The following OXR1 variants were observed in gnomAD, a reference collection of about 807,000 sequenced individuals.
OXR1 encodes the protein oxidation resistance protein 1.
OXR1 carries 41 observed loss-of-function variants against 104.6 expected under a neutral mutation model. The observed-to-expected ratio is 0.39, with a 90% CI of 0.31 to 0.51. The LOEUF is 0.51. OXR1 is among the 20% of genes least tolerant of loss of function. The pLI, the probability that OXR1 is intolerant of heterozygous loss-of-function variation, is 0.77. For synonymous variants in OXR1, 348 were observed against 348.4 expected (o/e 1.00, Z 0.01); for missense variants, 955 against 1,031.9 (o/e 0.93, Z 1.02).
At position 106,402,815 on chromosome 8, in the gene OXR1, C is replaced by CTTTCT. The variant is rs374235527; in HGVS notation, c.23+43188_23+43192dup. On this transcript the variant is annotated intron_variant, in intron 2 of 16. Transcript: ENST00000517566. ...TTGAAAGGGTCCTATTTCTTTCTTT[C>CTTTCT]TTTCTTTTCTTTTTTTTCTTTTTGA... Among the ~76,000 whole-genome samples, 1,092 of 152,098 alleles carry CTTTCT rather than the reference C, an allele frequency of 7.2e-3. 16 individuals are homozygous for CTTTCT. The highest frequency in any genetic ancestry group is 0.024 in the African/African-American group (988 of 41,502).
Position 106,672,150 on chromosome 8 carries a change from A to G in OXR1, c.221-7060A>G, listed in dbSNP as rs577049919. 2.6e-5 allele frequency among the ~76,000 whole-genome samples: 4 copies of G among 151,928 alleles called. No homozygotes were observed. The South Asian group carries it at 8.3e-4, about 32-fold the overall frequency. ...GAATCCAAGGAAGGCAACAAAGGAG[A>G]GAAGTCTAAAAGAACAGGTAGACAG... On this transcript the variant is annotated intron_variant, in intron 3 of 16. Transcript: ENST00000517566.
At chr8:106,733,663 C>A (rs1030317183) in intron 11 of OXR1, among the ~76,000 whole-genome samples, 1 of 151,314 alleles carries the variant, frequency 6.6e-6, no homozygotes. Context: ...AAAAATTAGC[C>A]GTGCGTGGTG....
At chr8:106,714,077 C>A in intron 11 of OXR1, 92 bp downstream of exon 11, 1 of 972,418 alleles carries the variant, frequency 1.0e-6, no homozygotes, top group Non-Finnish European at 1.5e-6. Flanking sequence ...GATGTTTCCA[C>A]AAAAGAGGAA....
At chr8:106,509,803 G>A (rs534527257) in intron 2 of OXR1, among the ~76,000 whole-genome samples, 9 of 152,074 alleles carry the variant, frequency 5.9e-5, no homozygotes, top group South Asian at 2.1e-4. Flanking sequence ...TCAGAGTCTC[G>A]CTCTGTCGCC....
At position 106,359,485 on chromosome 8, in the gene OXR1, A is replaced by G. The variant is rs747239353; in HGVS notation, c.-129A>G. Reference sequence around the variant, plus strand: ...TTTCTTTTCTTTATAGGTCCTCTCAAACTGTGAGTAACTAAGTGGTTTGTG... The same window carrying G: ...TTTCTTTTCTTTATAGGTCCTCTCAGACTGTGAGTAACTAAGTGGTTTGTG... On this transcript the variant is annotated 5_prime_UTR_variant, in exon 2 of 17. Transcript: ENST00000517566. 2 of 699,856 alleles carry G rather than the reference A, an allele frequency of 2.9e-6. No individual in the cohort carries two copies. The highest frequency in any genetic ancestry group is 2.7e-5 in the East Asian group (1 of 36,928). The allele number at this position is 699,856 out of a possible 1,614,324, so 43.4% of individuals were successfully genotyped here.
At chr8:106,515,121 G>C (rs1321491820) in intron 2 of OXR1, among the ~76,000 whole-genome samples, 1 of 151,996 alleles carries the variant, frequency 6.6e-6, no homozygotes, top group African/African-American at 2.4e-5. Flanking sequence ...TGCTCTCCTG[G>C]AAAGCCATGC....
chr8:106,379,475 T>C (rs1817043387), intron 2 of OXR1, among the ~76,000 whole-genome samples: 1 of 151,948 alleles, frequency 6.6e-6, no homozygotes, highest in South Asian at 2.1e-4. Context: ...ACTGGACCAA[T>C]TTTTTGTATA....
chr8:106,748,554 CTTTTTTTTTTTTTTTTTTT>C (rs71307088), intron 16 of OXR1, among the ~76,000 whole-genome samples: 8 of 48,922 alleles, frequency 1.6e-4, no homozygotes, highest in African/African-American at 8.2e-4. Context: ...AGTACCAACT[CTTTTTTTTTTTTTTTTTTT>C]TTTTTTTTTT....
At chr8:106,605,748 G>A (rs1384207800) in intron 3 of OXR1, among the ~76,000 whole-genome samples, 2 of 151,880 alleles carry the variant, frequency 1.3e-5, no homozygotes, top group Non-Finnish European at 2.9e-5. Context: ...GCAGTGAGCC[G>A]AGATGGTGCC....
chr8:106,406,136 A>G (rs952173714), intron 2 of OXR1, among the ~76,000 whole-genome samples: 3 of 152,110 alleles, frequency 2.0e-5, no homozygotes, highest in Non-Finnish European at 2.9e-5. Context: ...ATCTTGTCAT[A>G]GGGTGGCTTG....
At chr8:106,513,697 G>T (rs1318299821) in intron 2 of OXR1, among the ~76,000 whole-genome samples, 1 of 152,104 alleles carries the variant, frequency 6.6e-6, no homozygotes, top group African/African-American at 2.4e-5. Flanking sequence ...AGCATCCCTG[G>T]GAATTGTGCA....
At chr8:106,353,555 T>C (rs1160829892) in intron 1 of OXR1, among the ~76,000 whole-genome samples, 2 of 152,080 alleles carry the variant, frequency 1.3e-5, no homozygotes, top group Non-Finnish European at 2.9e-5. Context: ...AGTCATATTG[T>C]TGCTAACATT....
chr8:106,601,235 C>T (rs1819945313), intron 3 of OXR1, among the ~76,000 whole-genome samples: 1 of 152,170 alleles, frequency 6.6e-6, no homozygotes, highest in South Asian at 2.1e-4. Context: ...GACCATTACC[C>T]AGAGACAAGT....
At chr8:106,530,689 A>G (rs76980027) in intron 3 of OXR1, among the ~76,000 whole-genome samples, 3,622 of 152,274 alleles carry the variant, frequency 0.024, 155 homozygotes, top group African/African-American at 0.083. Flanking sequence ...TGTTACAGTG[A>G]CCATTCATGA....
At chr8:106,618,158 C>A (rs1821395944) in intron 3 of OXR1, 1 of 1,535,918 alleles carries the variant, frequency 6.5e-7, no homozygotes, top group African/African-American at 1.4e-5. Flanking sequence ...AAGGAAGGAC[C>A]TCAGAAATGT....
At position 106,379,542 on chromosome 8, in the gene OXR1, T is replaced by TC. The variant is rs1272371812; in HGVS notation, c.23+19906_23+19907insC. Among the ~76,000 whole-genome samples, 357 of 142,978 alleles carry TC rather than the reference T, an allele frequency of 2.5e-3. 1 individual carries two copies. The highest frequency in any genetic ancestry group is 3.5e-3 in the Non-Finnish European group (230 of 65,448). 93.8% of individuals were successfully genotyped at this position (142,978 alleles called of 152,430 possible). A position where few individuals can be genotyped will look rare whatever the true frequency, so the allele number is the denominator to read the frequency against. On this transcript the variant is annotated intron_variant, in intron 2 of 16. Coordinates refer to ENST00000517566, the MANE Select transcript of OXR1 (RefSeq NM_001198533.2). ...TTTTACTTTTTTCTTTCTTTCTTTT[T>TC]TTTTTTTTTTTTTTGAGACAGAGTC...
intron 2 of OXR1, among the ~76,000 whole-genome samples, chr8:106,463,151 A>C (rs561004894): frequency 6.6e-6 from 1 of 152,188 alleles, no homozygotes; most frequent in East Asian, 1.9e-4. Context: ...GCCAAGGAGA[A>C]CACAGAAAAA....
Position 106,739,590 on chromosome 8 carries a change from C to T in OXR1, c.2163+7C>T, listed in dbSNP as rs765838628. ...GCCAGATCAAATTGAAAAGGTATGA[C>T]ATGCTCACATATGTGCATTTCTGAG... On this transcript the variant is annotated splice_region_variant and intron_variant, in intron 13 of 16. Transcript: ENST00000517566. 1 of 1,612,286 alleles carries T rather than the reference C, an allele frequency of 6.2e-7. No individual in the cohort carries two copies. Among genetic ancestry groups the T allele is most frequent in the East Asian group, 2.2e-5 (1 of 44,840 alleles).
chr8:106,339,557 A>ATATAT, intron 1 of OXR1, among the ~76,000 whole-genome samples: 1 of 125,170 alleles, frequency 8.0e-6, no homozygotes, highest in Non-Finnish European at 1.7e-5. Context: ...TATATATATA[A>ATATAT]AACGAAATCA....
Sources: allele counts gnomAD v4.1 joint callset (sites outside exome capture counted in the v4.1 genomes callset), GRCh38; gene constraint gnomAD v4.1.1; transcripts MANE v1.5; gene names NCBI Gene and HGNC (gene_info 2026-07-23, HGNC 2026-07-21).